Variants in RNF213 observed in about 807,000 individuals in gnomAD.
RNF213 encodes the protein ring finger protein 213, also known as E3 ubiquitin-protein ligase RNF213.
A neutral mutation model predicts 514.4 loss-of-function variants in RNF213; 341 were observed. That is an observed-to-expected ratio of 0.66 (90% CI 0.61 to 0.73). The LOEUF (loss-of-function observed/expected upper bound fraction) is 0.73. RNF213 is among the 30% of genes least tolerant of loss of function. The pLI is 0.00. For missense variants in RNF213, 5,767 were observed against 6,615.6 expected (o/e 0.87, Z 4.45); for synonymous variants, 2,655 against 2,658.2 (o/e 1.00, Z 0.04).
chr17:80,270,254 A>G (rs973064227), intron 2 of RNF213, among the ~76,000 whole-genome samples: 5 of 152,234 alleles, frequency 3.3e-5, no homozygotes, highest in African/African-American at 9.6e-5. Context: ...TGACTCAGCA[A>G]CAGGCCTATC....
intron 17 of RNF213, chr17:80,319,598 G>T (rs142758536): frequency 7.1e-6 from 11 of 1,559,548 alleles, no homozygotes; most frequent in Non-Finnish European, 9.5e-6. Flanking sequence ...CTTGCAGGCC[G>T]TTCCTCAGAT....
At chr17:80,307,305 AGGTC>A in intron 13 of RNF213, 104 bp downstream of exon 13, 3 of 881,462 alleles carry the variant, frequency 3.4e-6, no homozygotes, top group Non-Finnish European at 3.8e-6. Context: ...TGTAACAGCA[AGGTC>A]ATAAATTAAT....
At chr17:80,363,942 C>G in intron 41 of RNF213, 152 bp downstream of exon 41, 1 of 799,534 alleles carries the variant, frequency 1.3e-6, no homozygotes, top group Non-Finnish European at 2.1e-6. Context: ...TTGCCGAACC[C>G]TTAGTGAGTG....
At chr17:80,323,196 T>C (rs1306797579) in intron 17 of RNF213, among the ~76,000 whole-genome samples, 1 of 152,232 alleles carries the variant, frequency 6.6e-6, no homozygotes, top group African/African-American at 2.4e-5. Context: ...CTGTTGACGA[T>C]ACATGTATGG....
In RNF213 at chr17:80,290,743, A is replaced by G. The variant is rs370132483; in HGVS notation, c.1271+15A>G. 1 of 1,614,026 alleles carries G rather than the reference A, an allele frequency of 6.2e-7. No individual in the cohort carries two copies. ...CACTACACCAGGTGAGCGTGTCTGT[A>G]GGCTTGGGAGGAATCCCTCAGGGAA... is the stretch of plus-strand genomic sequence containing the variant. On this transcript the variant is annotated intron_variant, in intron 7 of 67. Transcript: ENST00000582970.
chr17:80,327,914 A>T lies in RNF213; in HGVS notation c.3292A>T (p.Ser1098Cys). 1 of 1,537,266 alleles carries T rather than the reference A, an allele frequency of 6.5e-7. No individual in the cohort carries two copies. Among genetic ancestry groups the T allele is most frequent in the Non-Finnish European group, 8.7e-7 (1 of 1,146,914 alleles). The part of the protein sequence containing the change: ...VLTKVVGDLL[S>C]GTILVGQLEL... ...GACGAAAGTTGTTGGTGACCTCCTAAGTGGCACGATTTTAGTTGGACAACT... is the reference window on the plus strand; with the variant it reads ...GACGAAAGTTGTTGGTGACCTCCTATGTGGCACGATTTTAGTTGGACAACT... The change falls in exon 19 of 68, where the codon AGT (serine) becomes TGT (cysteine). Residue 1098 changes from serine (S) to cysteine (C), a missense_variant. Physicochemically the swap from Ser to Cys is moderately radical, Grantham distance 112. Coordinates refer to ENST00000582970, the MANE Select transcript of RNF213 (RefSeq NM_001256071.3).
In RNF213 at chr17:80,337,817, C is replaced by G. The variant is rs2078032280; in HGVS notation, c.4669-16C>G. The stretch of plus-strand genomic sequence containing the variant: ...CTGGCCCCAAGAAAGTGACTTCTAA[C>G]CTATGCTCTTCACAGATTTCCCCAG... On this transcript the variant is annotated splice_polypyrimidine_tract_variant and intron_variant, in intron 24 of 67. Coordinates refer to ENST00000582970, the MANE Select transcript of RNF213 (RefSeq NM_001256071.3). 6 of 1,536,832 alleles carry G rather than the reference C, an allele frequency of 3.9e-6. No homozygotes were observed.
At chr17:80,280,958 T>C (rs2044235369) in intron 3 of RNF213, among the ~76,000 whole-genome samples, 1 of 151,938 alleles carries the variant, frequency 6.6e-6, no homozygotes, top group Admixed American at 6.6e-5. Flanking sequence ...GCACTGCATA[T>C]GCGGACCGGA....
At chr17:80,384,468 C>T (rs1175973869) in intron 59 of RNF213, among the ~76,000 whole-genome samples, 1 of 152,194 alleles carries the variant, frequency 6.6e-6, no homozygotes, top group Non-Finnish European at 1.5e-5. Flanking sequence ...TTCTACAACA[C>T]ATTGTCTAAA....
chr17:80,334,772 G>A (rs762574163), intron 22 of RNF213, among the ~76,000 whole-genome samples: 8 of 151,726 alleles, frequency 5.3e-5, no homozygotes, highest in African/African-American at 1.7e-4. Flanking sequence ...GACTACAGGC[G>A]ACCGCCACCA....
intron 3 of RNF213, chr17:80,278,631 C>G: frequency 8.8e-7 from 1 of 1,131,574 alleles, no homozygotes; most frequent in Middle Eastern, 2.8e-4. Context: ...CTGGTCAGTG[C>G]CCACATGTGG....
chr17:80,341,729 C>G (rs547889652), intron 26 of RNF213: 2 of 152,108 alleles, frequency 1.3e-5, no homozygotes, highest in African/African-American at 4.8e-5. Flanking sequence ...CGGGGCAAGG[C>G]CTTGGTCTTT....
At position 80,284,834 on chromosome 17, in the gene RNF213, T is replaced by C. The variant is rs142657947; in HGVS notation, c.262-2981T>C. 2.1e-3 allele frequency among the ~76,000 whole-genome samples: 317 copies of C among 152,304 alleles called. 1 individual carries two copies. Among genetic ancestry groups the C allele is most frequent in the Admixed American group, 4.5e-3 (69 of 15,290 alleles). ...GACAAGACAGCGCCTCCTCTGGTGA[T>C]TGATTCCTCTGGAGAGAGGAAGCGC... On this transcript the variant is annotated intron_variant, in intron 3 of 67. Transcript: ENST00000582970.
intron 25 of RNF213, 51 bp downstream of exon 25, chr17:80,338,048 G>A (rs145962060): frequency 1.9e-4 from 285 of 1,530,578 alleles, no homozygotes; most frequent in Non-Finnish European, 2.1e-4. Context: ...CATCTCGTCC[G>A]TGAGGGCTGT....
chr17:80,341,074 A>T (rs1465104349), intron 26 of RNF213: 1 of 152,240 alleles, frequency 6.6e-6, no homozygotes, highest in African/African-American at 2.4e-5. Context: ...AAGTACTGGG[A>T]TCACAGGCAT....
chr17:80,324,776 C>G (rs1214762501), intron 17 of RNF213, among the ~76,000 whole-genome samples: 1 of 151,846 alleles, frequency 6.6e-6, no homozygotes, highest in Non-Finnish European at 1.5e-5. Context: ...AGGAGGGTGA[C>G]TGGTTATGTT....
At chr17:80,379,528 C>A (rs975168934) in intron 54 of RNF213, 92 bp from the exon 55 acceptor site, 2 of 1,190,548 alleles carry the variant, frequency 1.7e-6, no homozygotes, top group East Asian at 2.3e-5. Context: ...TCACGTCTGC[C>A]GGTGATAAGG....
intron 31 of RNF213, among the ~76,000 whole-genome samples, chr17:80,351,415 G>A (rs1486495387): frequency 1.3e-5 from 2 of 152,212 alleles, no homozygotes; most frequent in African/African-American, 2.4e-5. Flanking sequence ...TCTGGTCAAC[G>A]AAGGAATGCC....
chr17:80,298,894 A>G (rs149186984), intron 11 of RNF213: 35,108 of 287,316 alleles, frequency 0.12, 2,521 homozygotes, highest in Non-Finnish European at 0.13. Context: ...TAGGAGAATC[A>G]CTAGAACCCG....
Sources: gnomAD v4.1 joint callset for allele counts (sites outside exome capture counted in the v4.1 genomes callset) on GRCh38, gnomAD v4.1.1 for gene constraint, MANE v1.5 for transcripts, NCBI Gene and HGNC (gene_info 2026-07-23, HGNC 2026-07-21) for gene names.